ALDH1A2: variants seen among roughly 807,000 people sequenced by gnomAD.
ALDH1A2 encodes the protein retinal dehydrogenase 2.
In ALDH1A2, 27 loss-of-function variants were observed where a neutral mutation model predicts 60.3. The observed-to-expected ratio is 0.45, with a 90% CI of 0.33 to 0.62. ALDH1A2 has a LOEUF of 0.62. ALDH1A2 is among the 20% of genes least tolerant of loss of function. ALDH1A2 has a pLI of 0.02. For synonymous variants in ALDH1A2, 289 were observed against 232.4 expected (o/e 1.24, Z -2.21); for missense variants, 581 against 643.8 (o/e 0.90, Z 1.06).
At chr15:58,054,220 G>C (rs1396483234) in intron 1 of ALDH1A2, among the ~76,000 whole-genome samples, 1 of 152,106 alleles carries the variant, frequency 6.6e-6, no homozygotes. Context: ...GGAAGCAGAA[G>C]AGAAGCACAA....
At chr15:57,965,401 G>A (rs1253225813) in intron 8 of ALDH1A2, among the ~76,000 whole-genome samples, 2 of 152,180 alleles carry the variant, frequency 1.3e-5, no homozygotes, top group East Asian at 3.9e-4. Context: ...TTGAATCTAG[G>A]CAGAGAGACT....
At chr15:57,975,587 C>G (rs984390449) in intron 7 of ALDH1A2, among the ~76,000 whole-genome samples, 1 of 152,144 alleles carries the variant, frequency 6.6e-6, no homozygotes, top group South Asian at 2.1e-4. Context: ...TGGGGGCATT[C>G]CAGATTTCAG....
At chr15:58,005,124 T>TG (rs1309958291) in intron 4 of ALDH1A2, among the ~76,000 whole-genome samples, 1 of 151,828 alleles carries the variant, frequency 6.6e-6, no homozygotes, top group Non-Finnish European at 1.5e-5. Context: ...TTAGATCCAC[T>TG]AACTCATGGT....
At chr15:58,055,841 C>A (rs1158276942) in intron 1 of ALDH1A2, among the ~76,000 whole-genome samples, 1 of 152,010 alleles carries the variant, frequency 6.6e-6, no homozygotes, top group Non-Finnish European at 1.5e-5. Context: ...AATTTAAATT[C>A]TCTTCACTAA....
At chr15:58,006,839 T>C (rs572772898) in intron 4 of ALDH1A2, among the ~76,000 whole-genome samples, 1 of 143,478 alleles carries the variant, frequency 7.0e-6, no homozygotes. Context: ...TCTGCCTTCT[T>C]GCTTCAGCTC....
intron 1 of ALDH1A2, among the ~76,000 whole-genome samples, chr15:58,039,205 G>T (rs910125678): frequency 6.6e-6 from 1 of 151,644 alleles, no homozygotes; most frequent in Non-Finnish European, 1.5e-5. Context: ...CTGGACAAGC[G>T]ATGACACATA....
At chr15:57,993,306 A>C (rs1398483016) in intron 5 of ALDH1A2, among the ~76,000 whole-genome samples, 1 of 152,112 alleles carries the variant, frequency 6.6e-6, no homozygotes, top group Admixed American at 6.5e-5. Flanking sequence ...TACCCACCAA[A>C]AGAAATCCCA....
chr15:58,041,141 T>C (rs968862957), intron 1 of ALDH1A2, among the ~76,000 whole-genome samples: 14 of 151,948 alleles, frequency 9.2e-5, no homozygotes, highest in African/African-American at 3.4e-4. Flanking sequence ...CTTTATAATC[T>C]GATCCCAAAC....
At chr15:58,057,605 G>A (rs1479989155) in intron 1 of ALDH1A2, among the ~76,000 whole-genome samples, 1 of 152,086 alleles carries the variant, frequency 6.6e-6, no homozygotes, top group Admixed American at 6.6e-5. Context: ...TGTCAAATAT[G>A]TCTGGCAATA....
intron 12 of ALDH1A2, among the ~76,000 whole-genome samples, chr15:57,960,450 AGTC>A (rs1263870905): frequency 1.5e-4 from 23 of 152,304 alleles, no homozygotes; most frequent in African/African-American, 5.3e-4. Context: ...TCCTTTGTGA[AGTC>A]TTCTAGGACC....
At chr15:58,035,535 T>A (rs1323923059) in intron 1 of ALDH1A2, among the ~76,000 whole-genome samples, 21 of 151,712 alleles carry the variant, frequency 1.4e-4, no homozygotes, top group African/African-American at 5.1e-4. Context: ...ATTTCTTATT[T>A]TTAAATATAT....
At chr15:58,030,735 C>A (rs1345761262) in intron 1 of ALDH1A2, among the ~76,000 whole-genome samples, 1 of 152,034 alleles carries the variant, frequency 6.6e-6, no homozygotes, top group East Asian at 1.9e-4. Context: ...TTCCTATACA[C>A]CAATAACGGA....
intron 1 of ALDH1A2, chr15:58,036,635 A>G (rs1010693610): frequency 1.3e-5 from 2 of 151,754 alleles, no homozygotes; most frequent in Admixed American, 6.6e-5. Flanking sequence ...CAAAATATAT[A>G]CTAAAGGCCT....
intron 1 of ALDH1A2, among the ~76,000 whole-genome samples, chr15:58,033,737 A>G (rs1896304180): frequency 6.6e-6 from 1 of 150,794 alleles, no homozygotes; most frequent in African/African-American, 2.4e-5. Flanking sequence ...TGATTTGTTG[A>G]AAAGACAATC....
intron 1 of ALDH1A2, among the ~76,000 whole-genome samples, chr15:58,021,941 C>T (rs12905608): frequency 0.46 from 69,894 of 152,038 alleles, 16,674 homozygotes; most frequent in Non-Finnish European, 0.54. Flanking sequence ...TGCAGGCTAC[C>T]GCCACCAGGG....
At chr15:58,026,754 C>T in intron 1 of ALDH1A2, among the ~76,000 whole-genome samples, 1 of 152,186 alleles carries the variant, frequency 6.6e-6, no homozygotes, top group Admixed American at 6.5e-5. Flanking sequence ...GCCCACGGAG[C>T]CTTGCTCACT....
In ALDH1A2 at chr15:58,010,634, T is replaced by C. The variant is rs1235800953; in HGVS notation, c.493+15A>G. ...TTTCACGTTTTCCTTTTCAACGTAC[T>C]CAGATTTCACATACCTACAGGAATG... is the stretch of plus-strand genomic sequence containing the variant. On this transcript the variant is annotated intron_variant, in intron 4 of 12. Coordinates refer to ENST00000249750, the MANE Select transcript of ALDH1A2 (RefSeq NM_003888.4). 6.2e-7 allele frequency: 1 copy of C among 1,612,116 alleles called. No homozygotes were observed. The highest frequency in any genetic ancestry group is 1.7e-5 in the Admixed American group (1 of 59,932).
chr15:57,962,578 C>A (rs186530723), intron 9 of ALDH1A2, among the ~76,000 whole-genome samples: 1 of 151,796 alleles, frequency 6.6e-6, no homozygotes, highest in South Asian at 2.1e-4. Flanking sequence ...AGCACACAGC[C>A]TTTTTAGATA....
intron 11 of ALDH1A2, 38 bp from the exon 12 acceptor site, chr15:57,960,882 A>T: frequency 6.3e-7 from 1 of 1,575,464 alleles, no homozygotes. Context: ...GTTCGTGTGA[A>T]GTCTGAGCAC....
Sources: gnomAD v4.1 joint callset for allele counts (sites outside exome capture counted in the v4.1 genomes callset) on GRCh38, gnomAD v4.1.1 for gene constraint, MANE v1.5 for transcripts, NCBI Gene and HGNC (gene_info 2026-07-23, HGNC 2026-07-21) for gene names.